Variants in HACE1 observed in about 807,000 individuals in gnomAD.
HACE1 encodes E3 ubiquitin-protein ligase HACE1.
Under a neutral mutation model 118.4 loss-of-function variants are expected in HACE1, and 73 were observed. The ratio of observed to expected loss-of-function variants is 0.62; its 90% CI spans 0.51 to 0.75. The LOEUF (loss-of-function observed/expected upper bound fraction) is 0.75. HACE1 is among the 30% of genes least tolerant of loss of function. The pLI is 0.00. For missense variants in HACE1, 749 were observed against 1,102.2 expected (o/e 0.68, Z 4.54); for synonymous variants, 368 against 374.8 (o/e 0.98, Z 0.21).
chr6:104,738,897 A>AC (rs1776269477), intron 22 of HACE1, among the ~76,000 whole-genome samples: 1 of 151,176 alleles, frequency 6.6e-6, no homozygotes, highest in African/African-American at 2.5e-5. Flanking sequence ...TGAAGGAAAA[A>AC]ATGTTAAGGG....
At chr6:104,780,608 C>G (rs2124434) in intron 14 of HACE1, among the ~76,000 whole-genome samples, 21,815 of 151,942 alleles carry the variant, frequency 0.14, 1,617 homozygotes, top group African/African-American at 0.19. Context: ...GTGAGAGCAA[C>G]TTGCCAATAT....
chr6:104,735,067 T>C (rs1313086393), intron 22 of HACE1, among the ~76,000 whole-genome samples: 1 of 150,690 alleles, frequency 6.6e-6, no homozygotes, highest in African/African-American at 2.4e-5. Flanking sequence ...ATCTTAGGAG[T>C]AGGGAAGGAT....
rs1283206173 is a variant in HACE1 at position 104,742,440 on chromosome 6, AGAAT to A, written c.2513+1716_2513+1719del. Among the ~76,000 whole-genome samples, 8 of 151,504 alleles carry A rather than the reference AGAAT, an allele frequency of 5.3e-5. No individual in the cohort carries two copies. In the East Asian group the frequency reaches 1.4e-3, roughly 26 times the overall value. The stretch of plus-strand genomic sequence containing the variant: ...GACAAAGGGCTAATATCCAGAATCT[AGAAT>A]GAACTCAAACAAATTTACAAGAAAA... On this transcript the variant is annotated intron_variant, in intron 22 of 23. Coordinates refer to ENST00000262903, the MANE Select transcript of HACE1 (RefSeq NM_020771.4).
intron 19 of HACE1, chr6:104,766,877 T>C (rs556815881): frequency 3.3e-5 from 5 of 152,298 alleles, no homozygotes; most frequent in African/African-American, 9.6e-5. Context: ...GAAGACTGGA[T>C]GGCCCCTGCA....
chr6:104,742,909 A>ATG (rs1308639073), intron 22 of HACE1, among the ~76,000 whole-genome samples: 10 of 151,932 alleles, frequency 6.6e-5, no homozygotes, highest in Non-Finnish European at 1.5e-5. Context: ...CTTGGAACCA[A>ATG]CCCAAATGTC....
chr6:104,840,768 A>T (rs1042437410), intron 5 of HACE1, among the ~76,000 whole-genome samples: 1 of 152,224 alleles, frequency 6.6e-6, no homozygotes, highest in Admixed American at 6.5e-5. Flanking sequence ...GTTCAAGACC[A>T]GCCTGACCAA....
At chr6:104,858,419 G>A in intron 1 of HACE1, 1 of 317,898 alleles carries the variant, frequency 3.1e-6, no homozygotes, top group Admixed American at 4.2e-5. Flanking sequence ...ATTATCCCCA[G>A]GCCAGGCGCG....
chr6:104,796,515 C>G (rs1769650800), intron 9 of HACE1, 140 bp downstream of exon 9: 6 of 688,454 alleles, frequency 8.7e-6, no homozygotes, highest in Non-Finnish European at 1.6e-5. Flanking sequence ...CACACTTATC[C>G]TATAATGCAG....
intron 19 of HACE1, among the ~76,000 whole-genome samples, chr6:104,754,518 G>A (rs937815305): frequency 2.6e-5 from 4 of 152,136 alleles, no homozygotes; most frequent in Non-Finnish European, 5.9e-5. Flanking sequence ...AAGAAAAGCT[G>A]TTAAGGGCAG....
intron 5 of HACE1, 81 bp from the exon 6 acceptor site, chr6:104,833,254 C>G: frequency 7.6e-7 from 1 of 1,313,320 alleles, no homozygotes; most frequent in Non-Finnish European, 1.1e-6. Flanking sequence ...TATTTCTCAG[C>G]TGGGCGTGAT....
intron 19 of HACE1, among the ~76,000 whole-genome samples, chr6:104,751,299 T>G (rs1338752089): frequency 6.6e-6 from 1 of 152,232 alleles, no homozygotes; most frequent in Non-Finnish European, 1.5e-5. Flanking sequence ...AAAAAATATG[T>G]GAAGAATGAA....
Position 104,796,732 on chromosome 6 carries a change from C to T in HACE1, c.739G>A (p.Val247Ile). The stretch of plus-strand genomic sequence containing the variant: ...AGCCTCGGGTGATATTGAATTAATA[C>T]TTCACAAGTCTCTCCATATCCACCC... ...VQGGYGETCEVLIQYHPRLFQ... is the reference protein window; with the variant it reads ...VQGGYGETCEILIQYHPRLFQ... Residue 247 changes from valine (V) to isoleucine (I), a missense_variant, in exon 9 of 24, where the codon GTA becomes ATA. Transcript: ENST00000262903. The T allele has an allele frequency of 1.3e-6, 2 of 1,584,912 alleles. No homozygotes were observed. The highest frequency in any genetic ancestry group is 1.7e-6 in the Non-Finnish European group (2 of 1,154,130).
At chr6:104,776,009 TAGAG>T (rs1172265350) in intron 17 of HACE1, among the ~76,000 whole-genome samples, 1 of 152,238 alleles carries the variant, frequency 6.6e-6, no homozygotes, top group Non-Finnish European at 1.5e-5. Flanking sequence ...TTTATTAAGT[TAGAG>T]AGCTCTCAAA....
intron 10 of HACE1, among the ~76,000 whole-genome samples, chr6:104,793,150 C>T (rs1358324775): frequency 2.0e-5 from 3 of 151,812 alleles, no homozygotes; most frequent in African/African-American, 4.8e-5. Context: ...CCATGTAGTC[C>T]CAGCTACTTG....
At position 104,798,697 on chromosome 6, in the gene HACE1, G is replaced by A. The variant is rs148286463; in HGVS notation, c.618-1672C>T. ...AAGATGTTATAAACAATAGCTAACAGTGGTTAATGTTTCATTTACACTGTT... is the reference window on the plus strand; with the variant it reads ...AAGATGTTATAAACAATAGCTAACAATGGTTAATGTTTCATTTACACTGTT... On this transcript the variant is annotated intron_variant, in intron 7 of 23. Coordinates refer to ENST00000262903, the MANE Select transcript of HACE1 (RefSeq NM_020771.4). Among the ~76,000 whole-genome samples the A allele has an allele frequency of 7.5e-3, 1,143 of 152,278 alleles. 10 individuals are homozygous for A. Among genetic ancestry groups the A allele is most frequent in the Non-Finnish European group, 0.011 (757 of 68,012 alleles).
At chr6:104,791,388 T>G in intron 11 of HACE1, 116 bp downstream of exon 11, 5 of 874,548 alleles carry the variant, frequency 5.7e-6, no homozygotes, top group Non-Finnish European at 9.7e-6. Context: ...GAAAGTGATA[T>G]GGGTATAAAC....
intron 14 of HACE1, among the ~76,000 whole-genome samples, chr6:104,777,597 T>C (rs1400855029): frequency 6.6e-6 from 1 of 150,890 alleles, no homozygotes; most frequent in Non-Finnish European, 1.5e-5. Context: ...GAACTTAATA[T>C]CAGACATGTA....
intron 20 of HACE1, among the ~76,000 whole-genome samples, 185 bp from the exon 21 acceptor site, chr6:104,744,795 A>T (rs1218413510): frequency 6.6e-6 from 1 of 152,188 alleles, no homozygotes; most frequent in African/African-American, 2.4e-5. Flanking sequence ...TGATAATCTC[A>T]AATATTATAA....
At position 104,859,673 on chromosome 6, in the gene HACE1, T is replaced by C; in HGVS notation, c.-31A>G. ...GCGCGCCCTCCGCGATCCTCCGCGA[T>C]CAGCCGCCCCACCGGCGGCCTCCGC... is the stretch of plus-strand genomic sequence containing the variant. On this transcript the variant is annotated 5_prime_UTR_variant, in exon 1 of 24. Transcript: ENST00000262903. The C allele has an allele frequency of 3.3e-6, 5 of 1,522,836 alleles. 1 individual carries two copies. The highest frequency in any genetic ancestry group is 2.6e-6 in the Non-Finnish European group (3 of 1,137,444). The allele number at this position is 1,522,836 out of a possible 1,614,324, so 94.3% of individuals were successfully genotyped here.
Sources: allele counts gnomAD v4.1 joint callset (sites outside exome capture counted in the v4.1 genomes callset), GRCh38; gene constraint gnomAD v4.1.1; transcripts MANE v1.5; gene names NCBI Gene and HGNC (gene_info 2026-07-23, HGNC 2026-07-21).